CALN1: variants seen among roughly 807,000 people sequenced by gnomAD.
CALN1 encodes the protein calcium-binding protein 8.
CALN1 carries 17 observed loss-of-function variants against 30.6 expected under a neutral mutation model. That is an observed-to-expected ratio of 0.56 (90% CI 0.38 to 0.83). The LOEUF is 0.83. Ranked by LOEUF, CALN1 falls within the 40% of genes least tolerant of loss-of-function variation. The pLI, the probability that CALN1 is intolerant of heterozygous loss-of-function variation, is 0.00. For synonymous variants in CALN1, 156 were observed against 131.4 expected (o/e 1.19, Z -1.28); for missense variants, 291 against 354.9 (o/e 0.82, Z 1.45).
At chr7:72,274,245 C>T (rs943689670) in intron 3 of CALN1, among the ~76,000 whole-genome samples, 2 of 152,146 alleles carry the variant, frequency 1.3e-5, no homozygotes, top group South Asian at 2.1e-4. Context: ...CAGGGTCTCA[C>T]GACTGTAATT....
intron 5 of CALN1, among the ~76,000 whole-genome samples, chr7:71,851,262 A>C (rs564850019): frequency 4.7e-5 from 7 of 148,008 alleles, no homozygotes; most frequent in Non-Finnish European, 7.5e-5. Context: ...CATCACACAT[A>C]TACAGCTGGG....
chr7:71,824,980 C>T (rs1788827170), intron 5 of CALN1, among the ~76,000 whole-genome samples: 1 of 152,182 alleles, frequency 6.6e-6, no homozygotes, highest in Non-Finnish European at 1.5e-5. Flanking sequence ...TTTAAGTCTG[C>T]CTTGAGCGCC....
chr7:72,253,060 G>C (rs1275782821), intron 3 of CALN1, among the ~76,000 whole-genome samples: 1 of 152,212 alleles, frequency 6.6e-6, no homozygotes, highest in Non-Finnish European at 1.5e-5. Flanking sequence ...GATGAGAGCT[G>C]AAGTTCTCCT....
At chr7:72,356,881 A>C (rs1336038211) in intron 2 of CALN1, among the ~76,000 whole-genome samples, 1 of 152,018 alleles carries the variant, frequency 6.6e-6, no homozygotes, top group Non-Finnish European at 1.5e-5. Context: ...GGCAGTGAGA[A>C]AGCTTAGAGC....
chr7:72,144,148 A>C (rs1810170314), intron 3 of CALN1, among the ~76,000 whole-genome samples: 2 of 152,090 alleles, frequency 1.3e-5, no homozygotes, highest in Admixed American at 1.3e-4. Context: ...ATGTAAATGG[A>C]CTAAATGCTC....
intron 2 of CALN1, among the ~76,000 whole-genome samples, chr7:72,396,224 CTT>C (rs1240220362): frequency 2.6e-4 from 22 of 84,666 alleles, no homozygotes; most frequent in Admixed American, 5.5e-4. Context: ...TGGTGAAACT[CTT>C]GTCTCTACTA....
chr7:72,102,082 T>C (rs1398935318), intron 4 of CALN1, among the ~76,000 whole-genome samples: 1 of 152,080 alleles, frequency 6.6e-6, no homozygotes, highest in Non-Finnish European at 1.5e-5. Context: ...CAGGCTGGAG[T>C]ACAATGGCAC....
intron 5 of CALN1, among the ~76,000 whole-genome samples, chr7:72,011,275 T>C (rs1562974583): frequency 6.6e-6 from 1 of 150,522 alleles, no homozygotes. Context: ...CACAAGACAG[T>C]ATAGGGCCTG....
chr7:72,199,970 T>C (rs1260252906), intron 3 of CALN1, among the ~76,000 whole-genome samples: 1 of 152,174 alleles, frequency 6.6e-6, no homozygotes, highest in Non-Finnish European at 1.5e-5. Context: ...ACGGGCAGCC[T>C]GCAAGGTTAG....
rs1185555687 is a variant in CALN1, at chr7:71,784,559, G to A, written c.*3216C>T. 2.8e-6 allele frequency: 1 copy of A among 353,742 alleles called. No homozygotes were observed. Among genetic ancestry groups the A allele is most frequent in the East Asian group, 4.1e-5 (1 of 24,156 alleles). The allele number at this position is 353,742 out of a possible 1,614,324, so 21.9% of individuals were successfully genotyped here. Reference sequence around the variant, plus strand: ...GGAAAGGTGGGGCGCAGCTTCTTTGGGGATCAAGGGGGTCAGGGTCCATTT... The same window carrying A: ...GGAAAGGTGGGGCGCAGCTTCTTTGAGGATCAAGGGGGTCAGGGTCCATTT... On this transcript the variant is annotated 3_prime_UTR_variant, in exon 7 of 7. Transcript: ENST00000395275.
In CALN1 at chr7:71,819,292, T is replaced by C. The variant is rs541329647; in HGVS notation, c.502-8800A>G. Among the ~76,000 whole-genome samples the C allele has an allele frequency of 2.0e-3, 304 of 151,168 alleles. 2 individuals are homozygous for C. Among genetic ancestry groups the C allele is most frequent in the Non-Finnish European group, 2.0e-3 (135 of 67,800 alleles). ...GGTGCGATCTTGGCTCACTGCAACC[T>C]CCACCTTCCGGTTTCAAGCAATTCT... On this transcript the variant is annotated intron_variant, in intron 5 of 6. Coordinates refer to ENST00000395275, the MANE Select transcript of CALN1 (RefSeq NM_031468.4).
chr7:72,220,127 G>C (rs1305745861), intron 3 of CALN1, among the ~76,000 whole-genome samples: 1 of 151,060 alleles, frequency 6.6e-6, no homozygotes, highest in African/African-American at 2.4e-5. Context: ...TGCCATGCTG[G>C]TGTGCTGCAC....
chr7:72,419,096 G>C (rs1170315749), intron 1 of CALN1, among the ~76,000 whole-genome samples: 2 of 152,128 alleles, frequency 1.3e-5, no homozygotes, highest in Admixed American at 6.5e-5. Flanking sequence ...AAGCAGCCAA[G>C]AAGATGGATG....
intron 2 of CALN1, among the ~76,000 whole-genome samples, chr7:72,343,789 T>G (rs1442635186): frequency 6.6e-6 from 1 of 152,192 alleles, no homozygotes; most frequent in Non-Finnish European, 1.5e-5. Context: ...GTTTCTCTGC[T>G]GGGTTAGAAA....
At chr7:72,196,405 C>T (rs1206325344) in intron 3 of CALN1, among the ~76,000 whole-genome samples, 1 of 152,208 alleles carries the variant, frequency 6.6e-6, no homozygotes, top group Non-Finnish European at 1.5e-5. Flanking sequence ...AGGCATGAGC[C>T]ACCGCTCCTG....
intron 2 of CALN1, among the ~76,000 whole-genome samples, chr7:72,394,680 G>C (rs1423413401): frequency 1.1e-5 from 1 of 88,698 alleles, no homozygotes; most frequent in Non-Finnish European, 2.3e-5. Context: ...TTTTTTTTTT[G>C]AGACACAGTC....
the CALN1 span, among the ~76,000 whole-genome samples, chr7:72,460,410 T>C: frequency 6.6e-6 from 1 of 152,110 alleles, no homozygotes; most frequent in Non-Finnish European, 1.5e-5. Context: ...GGTGGGTGGA[T>C]AACCTGAGGT....
At chr7:72,013,247 ATTTTTTT>A (rs1025112311) in intron 5 of CALN1, among the ~76,000 whole-genome samples, 5 of 92,982 alleles carry the variant, frequency 5.4e-5, no homozygotes, top group Non-Finnish European at 9.8e-5. Context: ...CTAATTTGAG[ATTTTTTT>A]TTTTTTTTTT....
At chr7:71,861,756 G>A (rs900562654) in intron 5 of CALN1, among the ~76,000 whole-genome samples, 3 of 139,040 alleles carry the variant, frequency 2.2e-5, no homozygotes, top group African/African-American at 8.1e-5. Context: ...TCCAGCATGG[G>A]TGAAAGAGTG....
Sources: gnomAD v4.1 joint callset for allele counts (sites outside exome capture counted in the v4.1 genomes callset) on GRCh38, gnomAD v4.1.1 for gene constraint, MANE v1.5 for transcripts, NCBI Gene and HGNC (gene_info 2026-07-23, HGNC 2026-07-21) for gene names.